SDC2: variants seen among roughly 807,000 people sequenced by gnomAD.
SDC2 encodes syndecan 2, also known as syndecan-2.
A neutral mutation model predicts 22.2 loss-of-function variants in SDC2; 13 were observed. The observed-to-expected ratio is 0.59, with a 90% CI of 0.38 to 0.93. The LOEUF (loss-of-function observed/expected upper bound fraction) is 0.93, where lower values mean the gene tolerates loss of function less well. SDC2 is among the 40% of genes least tolerant of loss of function. The pLI, the probability that SDC2 is intolerant of heterozygous loss-of-function variation, is 0.00. For synonymous variants in SDC2, 94 were observed against 92.8 expected, an observed-to-expected ratio of 1.01 and a Z score of -0.07; for missense variants, 235 against 246.8, an observed-to-expected ratio of 0.95 and a Z score of 0.32.
chr8:96,546,304 G>A (rs1246419352), intron 1 of SDC2, among the ~76,000 whole-genome samples: 1 of 152,142 alleles, frequency 6.6e-6, no homozygotes, highest in Non-Finnish European at 1.5e-5. Context: ...CATGTTTTCT[G>A]GAGAGAGGTC....
chr8:96,573,532 C>T (rs932182452), intron 1 of SDC2, among the ~76,000 whole-genome samples: 10 of 152,100 alleles, frequency 6.6e-5, no homozygotes, highest in African/African-American at 1.7e-4. Context: ...AATTGCTCTA[C>T]GAGGACAGCA....
intron 2 of SDC2, 26 bp from the exon 3 acceptor site, chr8:96,602,369 C>T: frequency 6.2e-7 from 1 of 1,611,574 alleles, no homozygotes. Context: ...TTGCCATGCT[C>T]AGTTCATCTT....
At chr8:96,528,094 G>A (rs1813605899) in intron 1 of SDC2, among the ~76,000 whole-genome samples, 1 of 152,092 alleles carries the variant, frequency 6.6e-6, no homozygotes. Context: ...GTTGGGGAAG[G>A]AACAGATTAT....
chr8:96,590,475 C>T (rs1429212250), intron 1 of SDC2, among the ~76,000 whole-genome samples: 1 of 152,164 alleles, frequency 6.6e-6, no homozygotes, highest in African/African-American at 2.4e-5. Context: ...TTCGAATTCA[C>T]CCCTTTTCAT....
intron 1 of SDC2, among the ~76,000 whole-genome samples, chr8:96,502,029 T>C (rs1813173762): frequency 6.6e-6 from 1 of 152,202 alleles, no homozygotes; most frequent in Admixed American, 6.5e-5. Flanking sequence ...CGTGATCTAA[T>C]GTCTATTTGT....
chr8:96,535,283 A>G (rs1813736813), intron 1 of SDC2, among the ~76,000 whole-genome samples: 1 of 152,212 alleles, frequency 6.6e-6, no homozygotes, highest in East Asian at 1.9e-4. Flanking sequence ...CCGGGATTAC[A>G]GGTGTGAGCC....
At chr8:96,525,502 G>A (rs995620547) in intron 1 of SDC2, among the ~76,000 whole-genome samples, 1 of 152,138 alleles carries the variant, frequency 6.6e-6, no homozygotes, top group Non-Finnish European at 1.5e-5. Flanking sequence ...TTGCTTGGGG[G>A]CATGGAGAAG....
chr8:96,557,582 A>G (rs1212128529), intron 1 of SDC2, among the ~76,000 whole-genome samples: 1 of 149,368 alleles, frequency 6.7e-6, no homozygotes, highest in Admixed American at 6.7e-5. Flanking sequence ...CAATGAGATC[A>G]CATGGTCACA....
intron 1 of SDC2, among the ~76,000 whole-genome samples, chr8:96,506,389 A>G (rs1052793753): frequency 6.6e-6 from 1 of 152,150 alleles, no homozygotes; most frequent in Admixed American, 6.5e-5. Context: ...CTTTGTATAT[A>G]TCATATGTAA....
At chr8:96,570,936 A>G (rs995726779) in intron 1 of SDC2, among the ~76,000 whole-genome samples, 1 of 152,158 alleles carries the variant, frequency 6.6e-6, no homozygotes, top group Non-Finnish European at 1.5e-5. Context: ...TTACTGTTTA[A>G]TGGGTAGAGT....
At position 96,611,682 on chromosome 8, in the gene SDC2, A is replaced by C. The variant is rs552787490; in HGVS notation, c.*2134A>C. 6.5e-6 allele frequency: 1 copy of C among 152,780 alleles called. No homozygotes were observed. The highest frequency in any genetic ancestry group is 2.1e-4 in the South Asian group (1 of 4,828). 9.5% of individuals were successfully genotyped at this position (152,780 alleles called of 1,614,324 possible). A position where few individuals can be genotyped will look rare whatever the true frequency, so the allele number is the denominator to read the frequency against. On this transcript the variant is annotated 3_prime_UTR_variant, in exon 5 of 5. Coordinates refer to ENST00000302190, the MANE Select transcript of SDC2 (RefSeq NM_002998.4). ...ACTGCTGGGAATATCCGTGCCAGGAAAAGAAAAATTTCTGGCAAATATTTT... is the reference window on the plus strand; with the variant it reads ...ACTGCTGGGAATATCCGTGCCAGGACAAGAAAAATTTCTGGCAAATATTTT...
intron 3 of SDC2, 23 bp downstream of exon 3, chr8:96,602,551 T>C: frequency 1.2e-6 from 2 of 1,613,142 alleles, no homozygotes; most frequent in South Asian, 2.2e-5. Flanking sequence ...TTCCATTGCA[T>C]TGCATTATCA....
At chr8:96,568,781 G>T (rs943572522) in intron 1 of SDC2, among the ~76,000 whole-genome samples, 2 of 152,172 alleles carry the variant, frequency 1.3e-5, no homozygotes, top group South Asian at 4.1e-4. Context: ...GGGGAAAAGT[G>T]AATTCATTCA....
rs1180101778 is a variant in SDC2 at position 96,610,775 on chromosome 8, AGC to A, written c.*1228_*1229del. 1 of 152,612 alleles carries A rather than the reference AGC, an allele frequency of 6.6e-6. No homozygotes were observed. Among genetic ancestry groups the A allele is most frequent in the Non-Finnish European group, 1.5e-5 (1 of 68,032 alleles). The allele number at this position is 152,612 out of a possible 1,614,324, so 9.5% of individuals were successfully genotyped here. A position where few individuals can be genotyped will look rare whatever the true frequency, so the allele number is the denominator to read the frequency against. On this transcript the variant is annotated 3_prime_UTR_variant, in exon 5 of 5. Coordinates refer to ENST00000302190, the MANE Select transcript of SDC2 (RefSeq NM_002998.4). ...CAGTGTCTGTAAATCAAGACCAAAG[AGC>A]CTGTCGATGAGACTGTTTATTACCA...
intron 1 of SDC2, among the ~76,000 whole-genome samples, chr8:96,541,194 G>C (rs1277864767): frequency 6.6e-6 from 1 of 152,146 alleles, no homozygotes; most frequent in Non-Finnish European, 1.5e-5. Context: ...ACTTTGGGAG[G>C]CTGAGGCAGG....
intron 1 of SDC2, among the ~76,000 whole-genome samples, chr8:96,522,380 T>C (rs1813510256): frequency 6.6e-6 from 1 of 152,194 alleles, no homozygotes; most frequent in African/African-American, 2.4e-5. Context: ...ATTTTTTTTT[T>C]TTTCTCCTCT....
intron 2 of SDC2, among the ~76,000 whole-genome samples, chr8:96,602,149 G>A (rs569747012): frequency 9.8e-5 from 15 of 152,310 alleles, no homozygotes; most frequent in Admixed American, 2.6e-4. Context: ...GCAAGTGAAA[G>A]AAGGGCTACT....
rs528530695 is a variant in SDC2 at position 96,559,581 on chromosome 8, C to T, written c.61-33899C>T. ...TATAGCCATATACCAGATACTGCCT[C>T]CAGTAGGTTTTGCTTCCTTCCCTTT... is the stretch of plus-strand genomic sequence containing the variant. On this transcript the variant is annotated intron_variant, in intron 1 of 4. Transcript: ENST00000302190. 1.7e-3 allele frequency among the ~76,000 whole-genome samples: 266 copies of T among 152,194 alleles called. 1 individual carries two copies. The highest frequency in any genetic ancestry group is 2.9e-3 in the Non-Finnish European group (199 of 68,046).
At chr8:96,520,182 GC>G (rs1335966626) in intron 1 of SDC2, among the ~76,000 whole-genome samples, 1 of 152,146 alleles carries the variant, frequency 6.6e-6, no homozygotes, top group African/African-American at 2.4e-5. Flanking sequence ...ATTGTAAAAA[GC>G]TCTCTTGAAT....
Sources: allele counts gnomAD v4.1 joint callset (sites outside exome capture counted in the v4.1 genomes callset), GRCh38; gene constraint gnomAD v4.1.1; transcripts MANE v1.5; gene names NCBI Gene and HGNC (gene_info 2026-07-23, HGNC 2026-07-21).